The following MTHFD1L variants were observed in gnomAD, a reference collection of about 807,000 sequenced individuals.
MTHFD1L encodes the protein monofunctional C1-tetrahydrofolate synthase, mitochondrial.
MTHFD1L carries 81 observed loss-of-function variants against 119.5 expected under a neutral mutation model. The ratio of observed to expected loss-of-function variants is 0.68; its 90% CI spans 0.57 to 0.82. The LOEUF is 0.82. Among genes scored for constraint, MTHFD1L ranks in the 40% least tolerant of loss-of-function variants. The pLI is 0.00. For missense variants in MTHFD1L, 1,125 were observed against 1,253.4 expected (o/e 0.90, Z 1.55); for synonymous variants, 430 against 475.2 (o/e 0.90, Z 1.24).
chr6:150,960,268 G>C lies in MTHFD1L; in HGVS notation c.1804-7G>C. ...GCTGACCACTACCTGTGTTTGGGCTGGTTCAGGCGCAGTTTGACATCGCAG... is the reference window on the plus strand; with the variant it reads ...GCTGACCACTACCTGTGTTTGGGCTCGTTCAGGCGCAGTTTGACATCGCAG... On this transcript the variant is annotated splice_region_variant and splice_polypyrimidine_tract_variant and intron_variant, in intron 17 of 27. Coordinates refer to ENST00000367321, the MANE Select transcript of MTHFD1L (RefSeq NM_015440.5). 6.2e-7 allele frequency: 1 copy of C among 1,609,924 alleles called. No homozygotes were observed. Among genetic ancestry groups the C allele is most frequent in the Non-Finnish European group, 8.5e-7 (1 of 1,177,890 alleles).
In MTHFD1L at chr6:151,062,355, G is replaced by A. The variant is rs150781004; in HGVS notation, c.2847+25238G>A. Among the ~76,000 whole-genome samples, 775 of 152,176 alleles carry A rather than the reference G, an allele frequency of 5.1e-3. 6 individuals carry two copies. The highest frequency in any genetic ancestry group is 0.017 in the African/African-American group (697 of 41,518). Reference sequence around the variant, plus strand: ...CGGGAGGCTGAGGTAGGAGAATGGCGTGAATCCGGGGGGCAGAGCTTGCAG... The same window carrying A: ...CGGGAGGCTGAGGTAGGAGAATGGCATGAATCCGGGGGGCAGAGCTTGCAG... On this transcript the variant is annotated intron_variant, in intron 26 of 27. Coordinates refer to ENST00000367321, the MANE Select transcript of MTHFD1L (RefSeq NM_015440.5).
At chr6:151,008,980 G>A (rs1457632316) in intron 20 of MTHFD1L, among the ~76,000 whole-genome samples, 1 of 151,776 alleles carries the variant, frequency 6.6e-6, no homozygotes, top group East Asian at 1.9e-4. Context: ...AAATTAGCCG[G>A]GTGTGGTGGT....
chr6:151,083,120 T>G (rs1284798211), intron 26 of MTHFD1L, among the ~76,000 whole-genome samples: 1 of 152,200 alleles, frequency 6.6e-6, no homozygotes, highest in East Asian at 1.9e-4. Flanking sequence ...AAGGCTCAGG[T>G]GTGATCATTA....
intron 26 of MTHFD1L, among the ~76,000 whole-genome samples, chr6:151,072,121 G>A (rs2346514): frequency 0.72 from 109,254 of 151,786 alleles, 41,840 homozygotes; most frequent in East Asian, 0.91. Flanking sequence ...GAGCCACCAC[G>A]CCCGGCTAGT....
intron 26 of MTHFD1L, among the ~76,000 whole-genome samples, chr6:151,071,213 G>A (rs1476462018): frequency 7.0e-6 from 1 of 142,520 alleles, no homozygotes; most frequent in East Asian, 2.0e-4. Context: ...GTTGTGTTGG[G>A]TGATGGAGAT....
chr6:151,069,987 A>G (rs894939027), intron 26 of MTHFD1L, among the ~76,000 whole-genome samples: 4 of 152,140 alleles, frequency 2.6e-5, no homozygotes, highest in Non-Finnish European at 5.9e-5. Context: ...TTGACTCTTC[A>G]TCGGCAAGGT....
At chr6:150,950,779 C>T (rs186679627) in intron 16 of MTHFD1L, among the ~76,000 whole-genome samples, 39 of 152,300 alleles carry the variant, frequency 2.6e-4, no homozygotes, top group African/African-American at 9.1e-4. Flanking sequence ...AGTCGATTCT[C>T]TTGCCTCATC....
intron 13 of MTHFD1L, 63 bp from the exon 14 acceptor site, chr6:150,944,423 G>A (rs950495625): frequency 7.9e-7 from 1 of 1,258,872 alleles, no homozygotes; most frequent in African/African-American, 1.5e-5. Context: ...ACTCCAGCCT[G>A]GGCAACAAAG....
rs149427794 is a variant in MTHFD1L at position 151,006,803 on chromosome 6, G to A, written c.2126-3016G>A. 8.5e-5 allele frequency among the ~76,000 whole-genome samples: 13 copies of A among 152,168 alleles called. No homozygotes were observed. The East Asian group carries it at 2.5e-3, about 29-fold the overall frequency. On this transcript the variant is annotated intron_variant, in intron 20 of 27. Coordinates refer to ENST00000367321, the MANE Select transcript of MTHFD1L (RefSeq NM_015440.5). ...ATCATGGAGCTTGCAATCTAACAGGGTAGTTTAACACATAAATATGCATCC... is the reference window on the plus strand; with the variant it reads ...ATCATGGAGCTTGCAATCTAACAGGATAGTTTAACACATAAATATGCATCC...
chr6:150,972,390 C>T (rs994864753), intron 20 of MTHFD1L, among the ~76,000 whole-genome samples: 4 of 152,182 alleles, frequency 2.6e-5, no homozygotes, highest in African/African-American at 9.7e-5. Context: ...TGTATCAAAC[C>T]TTTTAGGGTT....
chr6:150,875,908 T>C (rs982803113), intron 1 of MTHFD1L, 182 bp from the exon 2 acceptor site: 11 of 541,238 alleles, frequency 2.0e-5, no homozygotes, highest in Non-Finnish European at 3.3e-5. Flanking sequence ...TTTTACCTTG[T>C]GTTAGTGTCT....
intron 7 of MTHFD1L, among the ~76,000 whole-genome samples, chr6:150,892,858 T>C (rs1639006085): frequency 6.6e-6 from 1 of 152,236 alleles, no homozygotes; most frequent in Non-Finnish European, 1.5e-5. Flanking sequence ...GTAGGAATTC[T>C]AGCCTTCCTT....
intron 1 of MTHFD1L, chr6:150,866,777 G>T: frequency 1.1e-6 from 1 of 872,378 alleles, no homozygotes; most frequent in Non-Finnish European, 1.4e-6. Flanking sequence ...CGAACTGGGA[G>T]CCCCGGGCCC....
rs533969089 is a variant in MTHFD1L at position 151,019,479 on chromosome 6, G to C, written c.2586+3786G>C. Among the ~76,000 whole-genome samples the C allele has an allele frequency of 2.6e-5, 4 of 152,084 alleles. No homozygotes were observed. In the South Asian group the frequency reaches 8.3e-4, roughly 32 times the overall value. On this transcript the variant is annotated intron_variant, in intron 24 of 27. Transcript: ENST00000367321. ...TTTCTGAATTCCCATTCTTCATGCA[G>C]ATAATGCTGCTAAAATGTCAGCTCT...
At position 150,884,376 on chromosome 6, in the gene MTHFD1L, G is replaced by A. The variant is rs188034191; in HGVS notation, c.543-1258G>A. On this transcript the variant is annotated intron_variant, in intron 5 of 27. Transcript: ENST00000367321. ...AGGATGGTCTCGATCTCCTGACCTC[G>A]TGACCCGCCTGCCTCGGCCTCCCAA... Among the ~76,000 whole-genome samples the A allele has an allele frequency of 9.6e-3, 1,454 of 151,986 alleles. 30 individuals carry two copies. The highest frequency in any genetic ancestry group is 0.033 in the African/African-American group (1,371 of 41,464).
chr6:151,082,301 C>A (rs921749930), intron 26 of MTHFD1L, among the ~76,000 whole-genome samples: 6 of 152,190 alleles, frequency 3.9e-5, no homozygotes, highest in Admixed American at 3.3e-4. Context: ...CTCCTAAGGA[C>A]TGAAGGGCCA....
In MTHFD1L at chr6:151,078,075, T is replaced by A. The variant is rs1175385054; in HGVS notation, c.2848-14392T>A. Among the ~76,000 whole-genome samples, 235 of 64,930 alleles carry A rather than the reference T, an allele frequency of 3.6e-3. 1 individual carries two copies. Among genetic ancestry groups the A allele is most frequent in the South Asian group, 6.4e-3 (10 of 1,560 alleles). 42.6% of individuals were successfully genotyped at this position (64,930 alleles called of 152,430 possible). A position where few individuals can be genotyped will look rare whatever the true frequency, so the allele number is the denominator to read the frequency against. ...CTCAAAAAAAAAAAAAAAAAAAAAA[T>A]CAAGGAAAATAATATACCCAGCTAA... On this transcript the variant is annotated intron_variant, in intron 26 of 27. Transcript: ENST00000367321.
intron 11 of MTHFD1L, among the ~76,000 whole-genome samples, chr6:150,931,885 G>T (rs1374101328): frequency 6.6e-6 from 1 of 152,140 alleles, no homozygotes; most frequent in Non-Finnish European, 1.5e-5. Flanking sequence ...ATTCTGGCAG[G>T]GCATGGTGGC....
chr6:151,009,122 CAAAAAAA>C (rs59189384), intron 20 of MTHFD1L, among the ~76,000 whole-genome samples: 1 of 96,864 alleles, frequency 1.0e-5, no homozygotes. Context: ...AACTCCATCT[CAAAAAAA>C]AAAAAAAAAA....
Sources: allele counts gnomAD v4.1 joint callset (sites outside exome capture counted in the v4.1 genomes callset), GRCh38; gene constraint gnomAD v4.1.1; transcripts MANE v1.5; gene names NCBI Gene and HGNC (gene_info 2026-07-23, HGNC 2026-07-21).